GABBR2: variants seen among roughly 807,000 people sequenced by gnomAD.
GABBR2 encodes gamma-aminobutyric acid type B receptor subunit 2.
In GABBR2, 23 loss-of-function variants were observed where a neutral mutation model predicts 105.6. The observed-to-expected ratio is 0.22, with a 90% CI of 0.16 to 0.31. The LOEUF (loss-of-function observed/expected upper bound fraction) is 0.31. Ranked by LOEUF, GABBR2 falls within the 10% of genes least tolerant of loss-of-function variation. The probability of loss-of-function intolerance (pLI) is 1.00; values close to 1 mark genes in which losing one functional copy is unlikely to be tolerated. For synonymous variants in GABBR2, 478 were observed against 499.7 expected, an observed-to-expected ratio of 0.96 and a Z score of 0.58; for missense variants, 734 against 1,245.5, an observed-to-expected ratio of 0.59 and a Z score of 6.18.
At chr9:98,550,047 C>T (rs1157662279) in intron 2 of GABBR2, among the ~76,000 whole-genome samples, 7 of 152,184 alleles carry the variant, frequency 4.6e-5, no homozygotes, top group Non-Finnish European at 2.9e-5. Flanking sequence ...CAGCTTTGAC[C>T]TTCATCCTGG....
chr9:98,490,654 A>G (rs182961605), intron 4 of GABBR2, among the ~76,000 whole-genome samples: 1 of 152,306 alleles, frequency 6.6e-6, no homozygotes, highest in East Asian at 1.9e-4. Flanking sequence ...ATAATGTACC[A>G]CATATTCCTC....
chr9:98,607,963 G>A (rs1315829640), intron 1 of GABBR2: 20 of 1,311,510 alleles, frequency 1.5e-5, no homozygotes, highest in South Asian at 2.5e-5. Context: ...GAGCTCCAGC[G>A]GCACCATGAG....
intron 2 of GABBR2, among the ~76,000 whole-genome samples, chr9:98,572,301 C>T (rs1026721543): frequency 3.3e-5 from 5 of 152,184 alleles, no homozygotes; most frequent in African/African-American, 4.8e-5. Flanking sequence ...AAATTTAACC[C>T]GTTTCAGCAC....
At chr9:98,489,594 T>A (rs1417889982) in intron 4 of GABBR2, among the ~76,000 whole-genome samples, 1 of 152,098 alleles carries the variant, frequency 6.6e-6, no homozygotes, top group Non-Finnish European at 1.5e-5. Context: ...ATTTTATTAT[T>A]TAGTGTTTTA....
intron 1 of GABBR2, among the ~76,000 whole-genome samples, chr9:98,591,897 C>G (rs535001055): frequency 6.6e-6 from 1 of 152,328 alleles, no homozygotes; most frequent in East Asian, 1.9e-4. Flanking sequence ...GTTGAGTTAG[C>G]AGATTTGTCA....
At chr9:98,527,676 A>C (rs1175791867) in intron 3 of GABBR2, among the ~76,000 whole-genome samples, 6 of 152,218 alleles carry the variant, frequency 3.9e-5, no homozygotes. Flanking sequence ...TATGAAGAAA[A>C]TGACAAAACT....
At chr9:98,498,575 A>G (rs1365797605) in intron 3 of GABBR2, among the ~76,000 whole-genome samples, 1 of 152,218 alleles carries the variant, frequency 6.6e-6, no homozygotes, top group African/African-American at 2.4e-5. Context: ...AGAAATATGA[A>G]GCAAATGGAG....
intron 1 of GABBR2, among the ~76,000 whole-genome samples, chr9:98,634,366 G>C (rs561545392): frequency 1.3e-5 from 2 of 152,346 alleles, no homozygotes; most frequent in South Asian, 2.1e-4. Flanking sequence ...GACTTCATTT[G>C]GAAATAGGGT....
chr9:98,518,016 A>T (rs1418338332), intron 3 of GABBR2, among the ~76,000 whole-genome samples: 1 of 152,112 alleles, frequency 6.6e-6, no homozygotes, highest in Non-Finnish European at 1.5e-5. Context: ...AGTGAAAGAG[A>T]GCCAATGGGA....
chr9:98,553,674 C>A (rs145830741), intron 2 of GABBR2, among the ~76,000 whole-genome samples: 102 of 152,314 alleles, frequency 6.7e-4, no homozygotes, highest in Non-Finnish European at 9.7e-4. Flanking sequence ...TGAGCACGTA[C>A]CGTGGAGCAA....
intron 7 of GABBR2, among the ~76,000 whole-genome samples, chr9:98,425,012 C>T (rs568116487): frequency 6.6e-6 from 1 of 152,082 alleles, no homozygotes. Context: ...CAAAAAAGAG[C>T]CCGCATCGCC....
chr9:98,469,272 A>AAG (rs953738421), intron 6 of GABBR2, among the ~76,000 whole-genome samples: 1 of 152,150 alleles, frequency 6.6e-6, no homozygotes, highest in Non-Finnish European at 1.5e-5. Flanking sequence ...GGCAGAAGGA[A>AAG]AGAGAGAGAG....
intron 4 of GABBR2, among the ~76,000 whole-genome samples, chr9:98,483,571 A>T (rs1250083516): frequency 6.6e-6 from 1 of 152,152 alleles, no homozygotes; most frequent in Non-Finnish European, 1.5e-5. Context: ...TCTCTATCAC[A>T]TTTCTCATAC....
intron 13 of GABBR2, among the ~76,000 whole-genome samples, chr9:98,346,002 T>A (rs557966334): frequency 3.9e-4 from 60 of 152,240 alleles, no homozygotes; most frequent in Non-Finnish European, 7.2e-4. Flanking sequence ...ACCTTATTGT[T>A]AAAAATGCTA....
At chr9:98,410,858 C>A (rs1004242101) in intron 7 of GABBR2, among the ~76,000 whole-genome samples, 2 of 152,188 alleles carry the variant, frequency 1.3e-5, no homozygotes, top group African/African-American at 4.8e-5. Context: ...GGCAACATCA[C>A]TTTCCCTTTC....
intron 14 of GABBR2, among the ~76,000 whole-genome samples, chr9:98,308,025 C>T (rs572125281): frequency 7.2e-5 from 11 of 152,074 alleles, no homozygotes; most frequent in Non-Finnish European, 1.5e-4. Flanking sequence ...TCTGAGGTCA[C>T]GAGTTTGAGA....
intron 12 of GABBR2, among the ~76,000 whole-genome samples, chr9:98,368,594 C>T (rs897071665): frequency 6.6e-6 from 1 of 152,172 alleles, no homozygotes; most frequent in African/African-American, 2.4e-5. Flanking sequence ...TATGTTTTGT[C>T]GATTGTGGCC....
At chr9:98,589,687 C>A (rs571444670) in intron 1 of GABBR2, among the ~76,000 whole-genome samples, 27 of 150,540 alleles carry the variant, frequency 1.8e-4, no homozygotes, top group African/African-American at 6.3e-4. Context: ...CCAGATATAA[C>A]TAAGGTATGC....
At chr9:98,425,615 C>A (rs2131561986) in intron 7 of GABBR2, among the ~76,000 whole-genome samples, 1 of 152,322 alleles carries the variant, frequency 6.6e-6, no homozygotes, top group Non-Finnish European at 1.5e-5. Context: ...GGCTCCAAAC[C>A]TGGGCAAACC....
Sources: allele counts gnomAD v4.1 joint callset (sites outside exome capture counted in the v4.1 genomes callset), GRCh38; gene constraint gnomAD v4.1.1; transcripts MANE v1.5; gene names NCBI Gene and HGNC (gene_info 2026-07-23, HGNC 2026-07-21).